The following SFXN1 variants were observed in gnomAD, a reference collection of about 807,000 sequenced individuals.
The protein encoded by SFXN1 is sideroflexin 1.
SFXN1 carries 32 observed loss-of-function variants against 39.5 expected under a neutral mutation model. The observed-to-expected ratio is 0.81, with a 90% confidence interval of 0.61 to 1.09. The LOEUF is 1.09. Among genes scored for constraint, SFXN1 ranks in the 50% least tolerant of loss-of-function variants. The pLI is 0.00. For missense variants in SFXN1, 402 were observed against 407.1 expected, an observed-to-expected ratio of 0.99 and a Z score of 0.11; for synonymous variants, 136 against 146.5, an observed-to-expected ratio of 0.93 and a Z score of 0.52.
intron 10 of SFXN1, chr5:175,524,090 C>T (rs1330246102): frequency 1.7e-5 from 2 of 116,340 alleles, no homozygotes; most frequent in South Asian, 3.0e-4. Context: ...GGCAACAGTG[C>T]GAGATTCTGT....
At chr5:175,504,995 T>C (rs1024048838) in intron 2 of SFXN1, among the ~76,000 whole-genome samples, 1 of 152,114 alleles carries the variant, frequency 6.6e-6, no homozygotes, top group Non-Finnish European at 1.5e-5. Context: ...CCCAAAGTAC[T>C]GGGATTACAG....
At chr5:175,522,149 G>A (rs549569666) in intron 9 of SFXN1, among the ~76,000 whole-genome samples, 181 bp downstream of exon 9, 1 of 152,232 alleles carries the variant, frequency 6.6e-6, no homozygotes, top group Admixed American at 6.5e-5. Flanking sequence ...CCTACAACAT[G>A]GGGGGCTATT....
At chr5:175,504,167 A>G (rs777573640) in intron 2 of SFXN1, among the ~76,000 whole-genome samples, 2 of 152,216 alleles carry the variant, frequency 1.3e-5, no homozygotes, top group Non-Finnish European at 1.5e-5. Context: ...GTCACATTCT[A>G]TTAACTGTTC....
At position 175,492,272 on chromosome 5, in the gene SFXN1, CATTA is replaced by C. The variant is rs778425328; in HGVS notation, c.164+10_164+13del. The stretch of plus-strand genomic sequence containing the variant: ...AAAAATAGTACATGATTACAGGTAA[CATTA>C]ATTATTGTTTTTTGGTTTAATGTAT... On this transcript the variant is annotated splice_donor_region_variant and intron_variant, in intron 2 of 10. Transcript: ENST00000321442. 9 of 1,599,632 alleles carry C rather than the reference CATTA, an allele frequency of 5.6e-6. No homozygotes were observed. The African/African-American group carries it at 1.2e-4, about 22-fold the overall frequency.
At chr5:175,522,321 A>G in intron 9 of SFXN1, 54 bp from the exon 10 acceptor site, 2 of 1,505,686 alleles carry the variant, frequency 1.3e-6, no homozygotes, top group Non-Finnish European at 1.8e-6. Flanking sequence ...TAGAAAAATA[A>G]GCTGAAAATT....
At chr5:175,503,967 C>T in intron 2 of SFXN1, among the ~76,000 whole-genome samples, 1 of 138,022 alleles carries the variant, frequency 7.2e-6, no homozygotes, top group Non-Finnish European at 1.5e-5. Flanking sequence ...TGCGCCATTG[C>T]ACTCTAGCTT....
At chr5:175,519,077 A>G (rs774849018) in intron 8 of SFXN1, among the ~76,000 whole-genome samples, 1 of 152,264 alleles carries the variant, frequency 6.6e-6, no homozygotes, top group Non-Finnish European at 1.5e-5. Context: ...TCTACCAAGT[A>G]CATACAGTTC....
intron 10 of SFXN1, chr5:175,523,006 TTG>T (rs2113363916): frequency 6.6e-6 from 1 of 152,572 alleles, no homozygotes; most frequent in Non-Finnish European, 1.5e-5. Flanking sequence ...CAGCGGCATT[TTG>T]TTGTCTGTCA....
intron 2 of SFXN1, among the ~76,000 whole-genome samples, chr5:175,501,314 C>T (rs1187211533): frequency 1.3e-5 from 2 of 152,154 alleles, no homozygotes; most frequent in Admixed American, 6.5e-5. Flanking sequence ...GTTATCCGCC[C>T]GCCTCGGCCC....
rs1761080213 is a variant in SFXN1, at chr5:175,526,854, A to G, written c.*120A>G. 2.5e-6 allele frequency: 2 copies of G among 813,770 alleles called. No individual in the cohort carries two copies. Among genetic ancestry groups the G allele is most frequent in the Non-Finnish European group, 4.1e-6 (2 of 489,218 alleles). The allele number at this position is 813,770 out of a possible 1,614,324, so 50.4% of individuals were successfully genotyped here. ...TTACGGAAACCTTTTAAAGATCCAC[A>G]TTAGCCTTTTAGAATAAAGCTGCTA... On this transcript the variant is annotated 3_prime_UTR_variant, in exon 11 of 11. Coordinates refer to ENST00000321442, the MANE Select transcript of SFXN1 (RefSeq NM_022754.7).
chr5:175,483,188 A>G (rs369300272), intron 1 of SFXN1, among the ~76,000 whole-genome samples: 9 of 152,196 alleles, frequency 5.9e-5, no homozygotes, highest in African/African-American at 2.2e-4. Context: ...TTCAACATAT[A>G]TCATCTCTAA....
At chr5:175,496,466 T>C (rs972202312) in intron 2 of SFXN1, among the ~76,000 whole-genome samples, 2 of 152,102 alleles carry the variant, frequency 1.3e-5, no homozygotes, top group Admixed American at 1.3e-4. Context: ...ACATCTTGTC[T>C]CAAATAGGAA....
At chr5:175,490,741 G>C (rs190442694) in intron 1 of SFXN1, among the ~76,000 whole-genome samples, 1 of 152,246 alleles carries the variant, frequency 6.6e-6, no homozygotes, top group East Asian at 1.9e-4. Flanking sequence ...TGCATAGACA[G>C]GGATAAGCAT....
chr5:175,523,213 T>C (rs1432425947), intron 10 of SFXN1: 2 of 152,336 alleles, frequency 1.3e-5, no homozygotes, highest in Non-Finnish European at 2.9e-5. Flanking sequence ...TCTCCCACTC[T>C]GTCTCCGACC....
At chr5:175,493,233 C>A (rs1759725527) in intron 2 of SFXN1, among the ~76,000 whole-genome samples, 2 of 151,932 alleles carry the variant, frequency 1.3e-5, no homozygotes, top group South Asian at 4.1e-4. Flanking sequence ...GCACTCCAGC[C>A]TGGGCGACAG....
At chr5:175,513,329 TG>T in intron 6 of SFXN1, 133 bp from the exon 7 acceptor site, 2 of 624,448 alleles carry the variant, frequency 3.2e-6, no homozygotes, top group Non-Finnish European at 4.9e-6. Flanking sequence ...AAAAAACAGA[TG>T]TGTCAGTACC....
intron 2 of SFXN1, among the ~76,000 whole-genome samples, chr5:175,496,818 G>A (rs971302380): frequency 2.6e-5 from 4 of 151,678 alleles, no homozygotes; most frequent in African/African-American, 9.7e-5. Flanking sequence ...GACCCTTAAA[G>A]TCTGGGTGAT....
intron 8 of SFXN1, among the ~76,000 whole-genome samples, chr5:175,518,675 T>A (rs2113353687): frequency 6.6e-6 from 1 of 152,328 alleles, no homozygotes. Context: ...GCATGAATTG[T>A]TGGAAGTTTG....
intron 2 of SFXN1, among the ~76,000 whole-genome samples, chr5:175,502,999 C>T (rs1483357039): frequency 1.3e-5 from 2 of 152,100 alleles, no homozygotes; most frequent in African/African-American, 2.4e-5. Context: ...TATCTACTCA[C>T]TGTATGATTC....
Sources: allele counts gnomAD v4.1 joint callset (sites outside exome capture counted in the v4.1 genomes callset), GRCh38; gene constraint gnomAD v4.1.1; transcripts MANE v1.5; gene names NCBI Gene and HGNC (gene_info 2026-07-23, HGNC 2026-07-21).